GFPT2: variants seen among roughly 807,000 people sequenced by gnomAD.
The protein encoded by GFPT2 is glutamine--fructose-6-phosphate aminotransferase [isomerizing] 2.
In GFPT2, 62 loss-of-function variants were observed where a neutral mutation model predicts 85.6. That is an observed-to-expected ratio of 0.72 (90% CI 0.59 to 0.90). The LOEUF (loss-of-function observed/expected upper bound fraction) is 0.90. Ranked by LOEUF, GFPT2 falls within the 40% of genes least tolerant of loss-of-function variation. The probability of loss-of-function intolerance (pLI) is 0.00; values close to 1 mark genes in which losing one functional copy is unlikely to be tolerated. For synonymous variants in GFPT2, 368 were observed against 344.5 expected (o/e 1.07, Z -0.75); for missense variants, 788 against 893.4 (o/e 0.88, Z 1.50).
chr5:180,345,066 T>G (rs1581390579), intron 1 of GFPT2, among the ~76,000 whole-genome samples: 1 of 152,222 alleles, frequency 6.6e-6, no homozygotes, highest in South Asian at 2.1e-4. Flanking sequence ...AGCAAGCCAC[T>G]GAATGTTCGG....
chr5:180,330,624 G>T lies in GFPT2; in HGVS notation c.534+76C>A. 5 of 1,191,580 alleles carry T rather than the reference G, an allele frequency of 4.2e-6. No individual in the cohort carries two copies. The highest frequency in any genetic ancestry group is 6.1e-6 in the Non-Finnish European group (5 of 814,482). 73.8% of individuals were successfully genotyped at this position (1,191,580 alleles called of 1,614,324 possible). On this transcript the variant is annotated intron_variant, in intron 6 of 18. Transcript: ENST00000253778. The surrounding 1 kb of genome is among the most constrained non-coding windows in gnomAD (Gnocchi z 4.4). ...CTTATAAAAAATGAAGGATTCCTTG[G>T]CACTTGCTGCTTGAAAAAAATGTTT...
chr5:180,301,016 G>A lies in GFPT2; in HGVS notation c.*548C>T, dbSNP rs547797004. ...GGGCTCCACGGATGTCAGAGAACAG[G>A]ATTCAGGAGCAGCCTAGAGAGGAAA... On this transcript the variant is annotated 3_prime_UTR_variant, in exon 19 of 19. Coordinates refer to ENST00000253778, the MANE Select transcript of GFPT2 (RefSeq NM_005110.4). The A allele has an allele frequency of 6.5e-6, 1 of 153,892 alleles. No individual in the cohort carries two copies. Among genetic ancestry groups the A allele is most frequent in the East Asian group, 1.9e-4 (1 of 5,208 alleles). The allele number at this position is 153,892 out of a possible 1,614,324, so 9.5% of individuals were successfully genotyped here. A position where few individuals can be genotyped will look rare whatever the true frequency, so the allele number is the denominator to read the frequency against.
intron 15 of GFPT2, 141 bp from the exon 16 acceptor site, chr5:180,307,444 A>T (rs1419196952): frequency 2.6e-6 from 2 of 777,522 alleles, no homozygotes; most frequent in Non-Finnish European, 4.2e-6. Flanking sequence ...TTCGTTTCAA[A>T]CGTAGATTAC....
intron 15 of GFPT2, among the ~76,000 whole-genome samples, chr5:180,311,067 G>A (rs2127647802): frequency 6.6e-6 from 1 of 152,262 alleles, no homozygotes; most frequent in East Asian, 1.9e-4. Context: ...GCCAGTGTCA[G>A]GCCCCGAGGG....
At chr5:180,337,688 C>T (rs529167344) in intron 2 of GFPT2, among the ~76,000 whole-genome samples, 3 of 152,176 alleles carry the variant, frequency 2.0e-5, no homozygotes, top group African/African-American at 4.8e-5. Context: ...GGCTGACAAA[C>T]ACAACGCTGC....
intron 7 of GFPT2, among the ~76,000 whole-genome samples, chr5:180,325,786 CG>C (rs1335269339): frequency 6.6e-6 from 1 of 152,180 alleles, no homozygotes; most frequent in Non-Finnish European, 1.5e-5. Flanking sequence ...CAGCACTTTG[CG>C]GGGCTGAAGC....
At chr5:180,343,014 G>A (rs540282642) in intron 1 of GFPT2, among the ~76,000 whole-genome samples, 21 of 152,188 alleles carry the variant, frequency 1.4e-4, no homozygotes, top group Non-Finnish European at 2.9e-4. Flanking sequence ...AAGCGAGGGA[G>A]GGAACAACTC....
intron 4 of GFPT2, among the ~76,000 whole-genome samples, chr5:180,334,690 C>T (rs1334131227): frequency 1.3e-5 from 2 of 152,320 alleles, no homozygotes; most frequent in Admixed American, 1.3e-4. Flanking sequence ...TACACCCTCC[C>T]CTGGCATGTC....
At chr5:180,348,446 C>T (rs969244271) in intron 1 of GFPT2, among the ~76,000 whole-genome samples, 2 of 152,234 alleles carry the variant, frequency 1.3e-5, no homozygotes, top group African/African-American at 4.8e-5. Flanking sequence ...GATGACAATT[C>T]CTGCCACCTC....
At chr5:180,347,719 G>A (rs977423846) in intron 1 of GFPT2, among the ~76,000 whole-genome samples, 8 of 152,146 alleles carry the variant, frequency 5.3e-5, no homozygotes, top group Admixed American at 3.3e-4. Context: ...AATGGCCAGC[G>A]CAGGGAGATG....
At chr5:180,316,105 C>A (rs908246335) in intron 13 of GFPT2, among the ~76,000 whole-genome samples, 4 of 152,194 alleles carry the variant, frequency 2.6e-5, no homozygotes, top group African/African-American at 7.2e-5. Context: ...GACTAACGTG[C>A]GTGGATTTCC....
chr5:180,318,884 T>C lies in GFPT2; in HGVS notation c.867A>G (p.Lys289=). ...DDDIAAVADG[K]LSIHRVKRSA... Reference sequence around the variant, plus strand: ...AGCGCTTGACCCGGTGAATGGAGAGTTTCCCATCAGCCACTGCGGCGATGT... The same window carrying C: ...AGCGCTTGACCCGGTGAATGGAGAGCTTCCCATCAGCCACTGCGGCGATGT... Residue 289 remains lysine (K), a synonymous_variant, in exon 10 of 19, where the codon AAA becomes AAG. Coordinates refer to ENST00000253778, the MANE Select transcript of GFPT2 (RefSeq NM_005110.4). The surrounding 1 kb of genome is among the most constrained non-coding windows in gnomAD (Gnocchi z 4.2). 1.9e-6 allele frequency: 3 copies of C among 1,613,460 alleles called. No homozygotes were observed. Among genetic ancestry groups the C allele is most frequent in the South Asian group, 1.1e-5 (1 of 91,042 alleles).
intron 14 of GFPT2, 122 bp downstream of exon 14, chr5:180,313,685 G>A (rs1302290302): frequency 4.6e-6 from 3 of 648,910 alleles, no homozygotes; most frequent in Middle Eastern, 4.5e-4. Flanking sequence ...GGAGAGAAGG[G>A]GTGAGGCGGG....
chr5:180,342,443 T>C (rs1764536260), intron 1 of GFPT2, among the ~76,000 whole-genome samples: 1 of 136,160 alleles, frequency 7.3e-6, no homozygotes. Flanking sequence ...AGGGTCTCGC[T>C]CTGTTGCCTA....
chr5:180,317,165 G>A lies in GFPT2; in HGVS notation c.959-107C>T. On this transcript the variant is annotated intron_variant, in intron 10 of 18. Coordinates refer to ENST00000253778, the MANE Select transcript of GFPT2 (RefSeq NM_005110.4). Reference sequence around the variant, plus strand: ...TAAAGCTTACTGCAGATTCCCAAAGGCATCCCCAGGGATTACCCTGCCTGA... The same window carrying A: ...TAAAGCTTACTGCAGATTCCCAAAGACATCCCCAGGGATTACCCTGCCTGA... The A allele has an allele frequency of 1.0e-5, 8 of 787,762 alleles. No homozygotes were observed. In the Admixed American group the frequency reaches 1.1e-4, roughly 11 times the overall value. 48.8% of individuals were successfully genotyped at this position (787,762 alleles called of 1,614,324 possible).
At chr5:180,344,983 G>A (rs1349815815) in intron 1 of GFPT2, among the ~76,000 whole-genome samples, 1 of 152,230 alleles carries the variant, frequency 6.6e-6, no homozygotes, top group Non-Finnish European at 1.5e-5. Context: ...ATACCCAGAA[G>A]CACAGAGGCC....
At position 180,335,828 on chromosome 5, in the gene GFPT2, C is replaced by T. The variant is rs1351430520; in HGVS notation, c.340G>A (p.Glu114Lys). ...SHPQRSDKGN[E>K]FVVIHNGIIT... The stretch of plus-strand genomic sequence containing the variant: ...GGGGACGGGGAAGCATGCCACATAC[C>T]GTTGCCTTTGTCTGAGCGCTGAGGG... The change falls in exon 4 of 19, where the codon GAA becomes AAA. Residue 114 changes from glutamate (E) to lysine (K), a missense_variant and splice_region_variant. Physicochemically the swap from Glu to Lys is moderately conservative, Grantham distance 56. Transcript: ENST00000253778. 6 of 1,601,444 alleles carry T rather than the reference C, an allele frequency of 3.7e-6. No individual in the cohort carries two copies. The African/African-American group carries it at 5.4e-5, about 14-fold the overall frequency.
In GFPT2 at chr5:180,330,596, G is replaced by A; in HGVS notation, c.534+104C>T. 1 of 924,364 alleles carries A rather than the reference G, an allele frequency of 1.1e-6. No individual in the cohort carries two copies. The highest frequency in any genetic ancestry group is 1.5e-5 in the South Asian group (1 of 65,708). The allele number at this position is 924,364 out of a possible 1,614,324, so 57.3% of individuals were successfully genotyped here. On this transcript the variant is annotated intron_variant, in intron 6 of 18. Transcript: ENST00000253778. This position sits in a 1 kb window ranked among gnomAD's most constrained non-coding sequence, Gnocchi z 4.4. ...GACTCTGTGCAAGTTTGTCTAACAA[G>A]GGCTTATAAAAAATGAAGGATTCCT...
chr5:180,348,241 T>A (rs889345773), intron 1 of GFPT2, among the ~76,000 whole-genome samples: 6 of 152,248 alleles, frequency 3.9e-5, no homozygotes, highest in African/African-American at 1.4e-4. Flanking sequence ...AATGTCTGCC[T>A]CAATGAGGGC....
Sources: gnomAD v4.1 joint callset for allele counts (sites outside exome capture counted in the v4.1 genomes callset) on GRCh38, gnomAD v4.1.1 for gene constraint, Gnocchi (gnomAD v3.1) non-coding constraint, MANE v1.5 for transcripts, NCBI Gene and HGNC (gene_info 2026-07-23, HGNC 2026-07-21) for gene names.